ZNF701: variants seen among roughly 807,000 people sequenced by gnomAD.
ZNF701 encodes the protein zinc finger protein 701.
Under a neutral mutation model 7.1 loss-of-function variants are expected in ZNF701, and 6 were observed. The observed-to-expected ratio is 0.84, with a 90% CI of 0.46 to 1.66. ZNF701 has a LOEUF of 1.66. Ranked by LOEUF, ZNF701 falls within the 40% of genes most tolerant of loss-of-function variation. The probability of loss-of-function intolerance (pLI) is 0.01; values close to 1 mark genes in which losing one functional copy is unlikely to be tolerated. For missense variants in ZNF701, 541 were observed against 559.2 expected (o/e 0.97, Z 0.33); for synonymous variants, 166 against 188.2 (o/e 0.88, Z 0.97).
At chr19:52,589,691 A>T (rs533605632), downstream of ZNF701, among the ~76,000 whole-genome samples, 1 of 152,048 alleles carries the variant, frequency 6.6e-6, no homozygotes, top group East Asian at 1.9e-4. Context: ...TGATGGCCAT[A>T]ATTTCTTTTG....
At chr19:52,581,753 A>G (rs57517025) in intron 3 of ZNF701, among the ~76,000 whole-genome samples, 1,900 of 152,290 alleles carry the variant, frequency 0.012, 40 homozygotes, top group African/African-American at 0.043. Flanking sequence ...ATTGATTTTG[A>G]TTATCCTTAC....
intron 1 of ZNF701, chr19:52,570,751 GA>G (rs1316395227): frequency 2.0e-5 from 3 of 152,264 alleles, no homozygotes; most frequent in Non-Finnish European, 4.4e-5. Flanking sequence ...GGATCTTGTG[GA>G]CCCCACCGAA....
Position 52,582,880 on chromosome 19 carries a change from A to C in ZNF701, c.821A>C (p.Glu274Ala), listed in dbSNP as rs142845099. The C allele has an allele frequency of 7.4e-6, 12 of 1,613,112 alleles. No homozygotes were observed. Among genetic ancestry groups the C allele is most frequent in the African/African-American group, 2.7e-5 (2 of 74,918 alleles). ...GGTGAGAATCCTTACACGTGTAATG[A>C]GTGTGGCAAGACATTCAGTCACAAT... ...HTGENPYTCN[E>A]CGKTFSHNSA... Residue 274 changes from glutamate to alanine, a missense_variant, in exon 4 of 4, where the codon GAG becomes GCG. Coordinates refer to ENST00000391785, the MANE Select transcript of ZNF701 (RefSeq NM_018260.3).
At position 52,584,348 on chromosome 19, in the gene ZNF701, C is replaced by A. The variant is rs760447481; in HGVS notation, c.*891C>A. ...TTTATGTTAAGAGGATTGGGCCAGG[C>A]GTGTGGCTCACGCCTGTAAATCCAG... On this transcript the variant is annotated 3_prime_UTR_variant, in exon 4 of 4. Coordinates refer to ENST00000391785, the MANE Select transcript of ZNF701 (RefSeq NM_018260.3). The A allele has an allele frequency of 4.6e-5, 8 of 173,804 alleles. No homozygotes were observed. In the South Asian group the frequency reaches 5.7e-4, roughly 12 times the overall value. 10.8% of individuals were successfully genotyped at this position (173,804 alleles called of 1,614,324 possible).
In ZNF701 at chr19:52,584,744, A is replaced by G. The variant is rs1021053776; in HGVS notation, c.*1287A>G. On this transcript the variant is annotated 3_prime_UTR_variant, in exon 4 of 4. Transcript: ENST00000391785. ...ATTTTTTATTGTTTATGGAAATTCA[A>G]TTAATTTTTGGTGCTGCTATTGCAT... The G allele has an allele frequency of 3.3e-5, 5 of 152,164 alleles. 1 individual carries two copies. Among genetic ancestry groups the G allele is most frequent in the Admixed American group, 1.3e-4 (2 of 15,282 alleles). 9.4% of individuals were successfully genotyped at this position (152,164 alleles called of 1,614,324 possible).
At chr19:52,577,384 G>A (rs915783517) in intron 3 of ZNF701, among the ~76,000 whole-genome samples, 6 of 152,066 alleles carry the variant, frequency 3.9e-5, no homozygotes, top group Non-Finnish European at 5.9e-5. Context: ...AGATTACCTA[G>A]GTGCCAAGGC....
At chr19:52,599,112 C>T in the ZNF701 span, among the ~76,000 whole-genome samples, 1 of 151,972 alleles carries the variant, frequency 6.6e-6, no homozygotes, top group Non-Finnish European at 1.5e-5. Context: ...ACCACAACCT[C>T]CGTCTCCCGA....
the ZNF701 span, chr19:52,595,643 T>C: frequency 1.3e-5 from 16 of 1,203,440 alleles, no homozygotes; most frequent in Admixed American, 9.0e-5. Context: ...CATGATGGAG[T>C]TCTCATCAAC....
downstream of ZNF701, among the ~76,000 whole-genome samples, chr19:52,591,667 CT>C (rs2060037385): frequency 1.3e-5 from 2 of 152,088 alleles, no homozygotes. Flanking sequence ...AGCAATTCTC[CT>C]GCCTCAGCCT....
Position 52,575,604 on chromosome 19 carries a change from G to A in ZNF701, c.16-291G>A, listed in dbSNP as rs551760909. On this transcript the variant is annotated intron_variant, in intron 2 of 3. Transcript: ENST00000391785. ...AAACCTCCACCATCAAGGTCAAGCCGTCCTCCCACCTCAGCCTTCCAAGTA... is the reference window on the plus strand; with the variant it reads ...AAACCTCCACCATCAAGGTCAAGCCATCCTCCCACCTCAGCCTTCCAAGTA... 1.0e-4 allele frequency: 37 copies of A among 353,516 alleles called. No individual in the cohort carries two copies. In the Middle Eastern group the frequency reaches 3.1e-3, roughly 29 times the overall value. The allele number at this position is 353,516 out of a possible 1,614,324, so 21.9% of individuals were successfully genotyped here.
At chr19:52,579,274 C>G (rs960924640) in intron 3 of ZNF701, among the ~76,000 whole-genome samples, 1 of 141,644 alleles carries the variant, frequency 7.1e-6, no homozygotes, top group Non-Finnish European at 1.5e-5. Flanking sequence ...CGCCTGTAAT[C>G]CCAGCACTTT....
Position 52,583,830 on chromosome 19 carries a change from G to A in ZNF701, c.*373G>A. ...TCACAAAGTCTTCAGTAATATTACA[G>A]CCATTGCAAAACATTGGAGAATCCA... On this transcript the variant is annotated 3_prime_UTR_variant, in exon 4 of 4. Coordinates refer to ENST00000391785, the MANE Select transcript of ZNF701 (RefSeq NM_018260.3). The A allele has an allele frequency of 1.8e-6, 1 of 552,114 alleles. No individual in the cohort carries two copies. The highest frequency in any genetic ancestry group is 2.5e-5 in the Admixed American group (1 of 39,738). The allele number at this position is 552,114 out of a possible 1,614,324, so 34.2% of individuals were successfully genotyped here.
chr19:52,581,094 G>A (rs888173735), intron 3 of ZNF701, among the ~76,000 whole-genome samples: 8 of 151,890 alleles, frequency 5.3e-5, no homozygotes, highest in Non-Finnish European at 1.0e-4. Flanking sequence ...ATTGCACTCT[G>A]TCCAGTGACA....
At chr19:52,579,393 G>A (rs914167261) in intron 3 of ZNF701, among the ~76,000 whole-genome samples, 36 of 140,692 alleles carry the variant, frequency 2.6e-4, no homozygotes, top group Non-Finnish European at 4.9e-4. Flanking sequence ...TGTGGTGGCG[G>A]GCACTTGTAA....
At chr19:52,597,752 GATCGTC>G in the ZNF701 span, 1 of 211,332 alleles carries the variant, frequency 4.7e-6, no homozygotes, top group African/African-American at 2.3e-5. Context: ...GCCAGAGGGT[GATCGTC>G]ATCTTGAGGG....
rs1419437734 is a variant in ZNF701 at position 52,582,954 on chromosome 19, A to C, written c.895A>C (p.Lys299Gln). The C allele has an allele frequency of 1.2e-6, 2 of 1,614,026 alleles. No individual in the cohort carries two copies. Among genetic ancestry groups the C allele is most frequent in the East Asian group, 2.2e-5 (1 of 44,896 alleles). ...AATTCATACTGGAGAGAAACCTTAC[A>C]AGTGTAATGAATGTGGCAAGGTTTT... ...KAIHTGEKPY[K>Q]CNECGKVFNQ... is the part of the protein sequence containing the mutation. The change falls in exon 4 of 4, where the codon AAG (lysine) becomes CAG (glutamine). Residue 299 changes from lysine (K) to glutamine (Q), a missense_variant. Coordinates refer to ENST00000391785, the MANE Select transcript of ZNF701 (RefSeq NM_018260.3).
chr19:52,592,576 C>T, the ZNF701 span, among the ~76,000 whole-genome samples: 66,171 of 151,626 alleles, frequency 0.44, 14,405 homozygotes, highest in African/African-American at 0.47. Context: ...TTTCCAGCTG[C>T]GCTTGTGGTT....
At chr19:52,578,378 T>G (rs570482460) in intron 3 of ZNF701, among the ~76,000 whole-genome samples, 5 of 152,176 alleles carry the variant, frequency 3.3e-5, no homozygotes, top group African/African-American at 1.2e-4. Flanking sequence ...GTGACTTGCT[T>G]CACCTTATCA....
In ZNF701 at chr19:52,571,886, C is replaced by T. The variant is rs1009656450; in HGVS notation, c.-72+1556C>T. On this transcript the variant is annotated intron_variant, in intron 1 of 3. Coordinates refer to ENST00000391785, the MANE Select transcript of ZNF701 (RefSeq NM_018260.3). Reference sequence around the variant, plus strand: ...TTGCCCGTGCTGGAGTGCAATGGTGCGATCTCGGCTCACTGCAACCTCCAC... The same window carrying T: ...TTGCCCGTGCTGGAGTGCAATGGTGTGATCTCGGCTCACTGCAACCTCCAC... Among the ~76,000 whole-genome samples the T allele has an allele frequency of 7.2e-5, 11 of 151,944 alleles. No individual in the cohort carries two copies. The South Asian group carries it at 1.5e-3, about 20-fold the overall frequency.
Sources: gnomAD v4.1 joint callset for allele counts (sites outside exome capture counted in the v4.1 genomes callset) on GRCh38, gnomAD v4.1.1 for gene constraint, MANE v1.5 for transcripts, NCBI Gene and HGNC (gene_info 2026-07-23, HGNC 2026-07-21) for gene names.